The following COLQ variants were observed in gnomAD, a reference collection of about 807,000 sequenced individuals.
COLQ encodes collagen like tail subunit of asymmetric acetylcholinesterase, also known as acetylcholinesterase collagenic tail peptide.
Under a neutral mutation model 69.0 loss-of-function variants are expected in COLQ, and 48 were observed. The ratio of observed to expected loss-of-function variants is 0.70; its 90% CI spans 0.55 to 0.88. The LOEUF (loss-of-function observed/expected upper bound fraction) is 0.88. Ranked by LOEUF, COLQ falls within the 40% of genes least tolerant of loss-of-function variation. The pLI, the probability that COLQ is intolerant of heterozygous loss-of-function variation, is 0.00. For missense variants in COLQ, 618 were observed against 594.6 expected (o/e 1.04, Z -0.41); for synonymous variants, 217 against 211.2 (o/e 1.03, Z -0.24).
At chr3:15,468,384 G>A (rs112327016) in intron 11 of COLQ, among the ~76,000 whole-genome samples, 1,654 of 143,030 alleles carry the variant, frequency 0.012, 30 homozygotes, top group African/African-American at 0.042. Flanking sequence ...CCAGGCTGGA[G>A]TGCAGTGGCG....
At chr3:15,454,349 C>A (rs2061995002) in intron 15 of COLQ, among the ~76,000 whole-genome samples, 1 of 152,182 alleles carries the variant, frequency 6.6e-6, no homozygotes, top group Non-Finnish European at 1.5e-5. Flanking sequence ...ACTGGTGAGC[C>A]CAGCCTTGTG....
At chr3:15,474,863 T>A in intron 8 of COLQ, 62 bp downstream of exon 8, 3 of 1,592,958 alleles carry the variant, frequency 1.9e-6, no homozygotes, top group Non-Finnish European at 2.6e-6. Context: ...TCTGCATGTC[T>A]CTGATTCCAG....
chr3:15,454,406 C>T (rs967524750), intron 15 of COLQ, among the ~76,000 whole-genome samples: 4 of 152,186 alleles, frequency 2.6e-5, no homozygotes, highest in Non-Finnish European at 5.9e-5. Flanking sequence ...TGCTCTCACA[C>T]GATGGGAGGG....
intron 2 of COLQ, 69 bp from the exon 3 acceptor site, chr3:15,488,376 C>A: frequency 7.8e-7 from 1 of 1,286,426 alleles, no homozygotes; most frequent in Non-Finnish European, 1.1e-6. Context: ...CCATCCTGGA[C>A]ACAGACCTGC....
chr3:15,485,600 C>A (rs753692994), intron 3 of COLQ, among the ~76,000 whole-genome samples: 8 of 152,190 alleles, frequency 5.3e-5, no homozygotes, highest in Non-Finnish European at 1.0e-4. Flanking sequence ...TCTATCAGCA[C>A]ATTACAATTC....
At chr3:15,478,212 G>A (rs2062414503) in intron 5 of COLQ, among the ~76,000 whole-genome samples, 1 of 152,204 alleles carries the variant, frequency 6.6e-6, no homozygotes, top group Non-Finnish European at 1.5e-5. Context: ...ACTTCAGACA[G>A]CCACTGTGCC....
intron 12 of COLQ, 133 bp from the exon 13 acceptor site, chr3:15,458,458 G>T (rs2062058038): frequency 1.0e-6 from 1 of 973,610 alleles, no homozygotes; most frequent in Non-Finnish European, 1.6e-6. Flanking sequence ...TGAGGGAGAG[G>T]TTCAAAGAGA....
intron 12 of COLQ, among the ~76,000 whole-genome samples, chr3:15,466,138 T>G (rs1295602909): frequency 1.3e-5 from 2 of 152,260 alleles, no homozygotes; most frequent in Non-Finnish European, 2.9e-5. Flanking sequence ...TCCAGAATGC[T>G]AAAACAAATT....
intron 1 of COLQ, among the ~76,000 whole-genome samples, chr3:15,497,991 T>C (rs1343573781): frequency 6.6e-6 from 1 of 152,358 alleles, no homozygotes; most frequent in Non-Finnish European, 1.5e-5. Context: ...CTGCTGTATG[T>C]CCCTGAGCAG....
intron 12 of COLQ, among the ~76,000 whole-genome samples, chr3:15,460,766 A>G (rs554744718): frequency 2.0e-5 from 3 of 152,206 alleles, no homozygotes; most frequent in Admixed American, 1.3e-4. Context: ...CTGTGTTCTG[A>G]TATTTTCAGA....
intron 1 of COLQ, among the ~76,000 whole-genome samples, chr3:15,508,954 C>T (rs1278600438): frequency 2.6e-5 from 4 of 151,934 alleles, no homozygotes; most frequent in Non-Finnish European, 5.9e-5. Context: ...AGTTCAAGAC[C>T]AGCCTGGGCA....
At chr3:15,471,953 C>T (rs550099695) in intron 10 of COLQ, among the ~76,000 whole-genome samples, 1,594 of 150,156 alleles carry the variant, frequency 0.011, 8 homozygotes, top group Non-Finnish European at 0.018. Flanking sequence ...TGGGAGAAAA[C>T]AGCAGCACAA....
At position 15,521,568 on chromosome 3, in the gene COLQ, T is replaced by TA. The variant is rs777102590; in HGVS notation, c.57dup (p.Ile20TyrfsTer114). On this transcript the variant is annotated frameshift_variant, in exon 1 of 17. Coordinates refer to ENST00000383788, the MANE Select transcript of COLQ (RefSeq NM_005677.4). LOFTEE classifies it high-confidence loss of function. ...TTGATGAAAGTCGGCTGAGACACGA[T>TA]AGAGAGGAAGAAAAGCTGAAGATAA... 6.8e-6 allele frequency: 11 copies of TA among 1,614,156 alleles called. No homozygotes were observed. The highest frequency in any genetic ancestry group is 9.3e-6 in the Non-Finnish European group (11 of 1,180,034).
intron 1 of COLQ, among the ~76,000 whole-genome samples, chr3:15,505,757 C>T (rs1029195614): frequency 2.6e-5 from 4 of 152,340 alleles, no homozygotes; most frequent in East Asian, 1.9e-4. Context: ...CCAGCTGCAT[C>T]GGGCCCAAAG....
At chr3:15,500,344 CTCTAT>C (rs2062814057) in intron 1 of COLQ, among the ~76,000 whole-genome samples, 1 of 152,202 alleles carries the variant, frequency 6.6e-6, no homozygotes, top group South Asian at 2.1e-4. Context: ...TCCTGACTTT[CTCTAT>C]TCTGAGTCAT....
rs922188126 is a variant in COLQ at position 15,450,929 on chromosome 3, C to T, written c.*715G>A. 19 of 152,742 alleles carry T rather than the reference C, an allele frequency of 1.2e-4. No individual in the cohort carries two copies. The highest frequency in any genetic ancestry group is 2.5e-4 in the Non-Finnish European group (17 of 68,474). The allele number at this position is 152,742 out of a possible 1,614,324, so 9.5% of individuals were successfully genotyped here. On this transcript the variant is annotated 3_prime_UTR_variant, in exon 17 of 17. Coordinates refer to ENST00000383788, the MANE Select transcript of COLQ (RefSeq NM_005677.4). ...AAGATGGTGCCAGAGATTTTGAAACCACAAGAGCCGCCCCTTTGGGAAACA... is the reference window on the plus strand; with the variant it reads ...AAGATGGTGCCAGAGATTTTGAAACTACAAGAGCCGCCCCTTTGGGAAACA...
intron 6 of COLQ, 87 bp from the exon 7 acceptor site, chr3:15,475,574 C>A: frequency 7.8e-7 from 1 of 1,287,574 alleles, no homozygotes; most frequent in Non-Finnish European, 1.1e-6. Context: ...TGGGAAGGAA[C>A]TGGGGATATC....
intron 1 of COLQ, among the ~76,000 whole-genome samples, chr3:15,501,373 T>C (rs2062828045): frequency 6.6e-6 from 1 of 152,184 alleles, no homozygotes; most frequent in Non-Finnish European, 1.5e-5. Context: ...ATGCTGCTCC[T>C]GCTGTGTCTC....
chr3:15,469,268 G>A (rs562543193), intron 11 of COLQ, among the ~76,000 whole-genome samples: 19 of 152,162 alleles, frequency 1.2e-4, no homozygotes, highest in African/African-American at 4.3e-4. Context: ...TTTGGTTATC[G>A]CCAGGAACTA....
Sources: gnomAD v4.1 joint callset for allele counts (sites outside exome capture counted in the v4.1 genomes callset) on GRCh38, gnomAD v4.1.1 for gene constraint, MANE v1.5 for transcripts, NCBI Gene and HGNC (gene_info 2026-07-23, HGNC 2026-07-21) for gene names.